The following ADRA1A variants were observed in gnomAD, a reference collection of about 807,000 sequenced individuals.
ADRA1A encodes alpha-1A adrenergic receptor.
Under a neutral mutation model 29.6 loss-of-function variants are expected in ADRA1A, and 31 were observed. The ratio of observed to expected loss-of-function variants is 1.05; its 90% CI spans 0.79 to 1.41. The LOEUF is 1.41. ADRA1A is among the 40% of genes most tolerant of loss of function. The pLI is 0.00. For missense variants in ADRA1A, 619 were observed against 601.1 expected (o/e 1.03, Z -0.31); for synonymous variants, 311 against 254.3 (o/e 1.22, Z -2.12).
At chr8:26,779,533 C>A in intron 2 of ADRA1A, 1 of 599,030 alleles carries the variant, frequency 1.7e-6, no homozygotes, top group South Asian at 2.1e-5. Context: ...GGAAAACAGC[C>A]CATGACAAGC....
downstream of ADRA1A, among the ~76,000 whole-genome samples, chr8:26,763,251 C>T (rs1805607468): frequency 1.3e-5 from 2 of 152,138 alleles, no homozygotes; most frequent in East Asian, 3.9e-4. This position sits in a 1 kb window ranked among gnomAD's most constrained non-coding sequence, Gnocchi z 4.5. Flanking sequence ...CCCAAGGAGC[C>T]AAGTGTGGCC....
Position 26,770,605 on chromosome 8 carries a change from T to C in ADRA1A, c.945A>G (p.Gly315=), listed in dbSNP as rs1806070315. 6.2e-7 allele frequency: 1 copy of C among 1,614,008 alleles called. No individual in the cohort carries two copies. The highest frequency in any genetic ancestry group is 8.5e-7 in the Non-Finnish European group (1 of 1,180,022). ...TGGGGTTGATGCAGCTGTTTAGATA[T>C]CCGAGCCAAAATACTATTTTAAAAA... ...ETVFKIVFWL[G]YLNSCINPII... The change falls in exon 3 of 3, where the codon GGA becomes GGG. Residue 315 remains glycine (G), a synonymous_variant. Transcript: ENST00000380573.
At chr8:26,810,163 G>C (rs1809278554) in intron 2 of ADRA1A, among the ~76,000 whole-genome samples, 1 of 152,134 alleles carries the variant, frequency 6.6e-6, no homozygotes, top group Non-Finnish European at 1.5e-5. Context: ...CAAGATTTTT[G>C]ACCAATTGTG....
chr8:26,786,906 G>A (rs1807437744), intron 2 of ADRA1A, among the ~76,000 whole-genome samples: 1 of 152,066 alleles, frequency 6.6e-6, no homozygotes, highest in Non-Finnish European at 1.5e-5. Flanking sequence ...CATTGTAGTT[G>A]TTAAATAAGT....
In ADRA1A at chr8:26,864,041, G is replaced by A. The variant is rs3824231; in HGVS notation, c.883+46C>T. 162 of 1,553,652 alleles carry A rather than the reference G, an allele frequency of 1.0e-4. 1 individual carries two copies. In the East Asian group the frequency reaches 3.6e-3, roughly 34 times the overall value. On this transcript the variant is annotated intron_variant, in intron 2 of 2. Coordinates refer to ENST00000380573, the MANE Select transcript of ADRA1A (RefSeq NM_000680.4). This position sits in a 1 kb window ranked among gnomAD's most constrained non-coding sequence, Gnocchi z 8.1. ...AGTCTGGGGTAACAGAAGCCGAGGA[G>A]GGTGAAGACCCCCAGATGCTAAAGT...
In ADRA1A at chr8:26,769,493, A is replaced by G. The variant is rs1170426372; in HGVS notation, c.*656T>C. On this transcript the variant is annotated 3_prime_UTR_variant, in exon 3 of 3. Coordinates refer to ENST00000380573, the MANE Select transcript of ADRA1A (RefSeq NM_000680.4). The stretch of plus-strand genomic sequence containing the variant: ...CCAAGGATAGAGAACACTACATTCC[A>G]AGACATCATGAGTGCCCCTCACTCT... 6.1e-6 allele frequency: 6 copies of G among 985,300 alleles called. No individual in the cohort carries two copies. Among genetic ancestry groups the G allele is most frequent in the Admixed American group, 1.2e-4 (2 of 16,268 alleles). 61.0% of individuals were successfully genotyped at this position (985,300 alleles called of 1,614,324 possible).
At chr8:26,768,174 G>A (rs1805895204), downstream of ADRA1A, among the ~76,000 whole-genome samples, 1 of 152,192 alleles carries the variant, frequency 6.6e-6, no homozygotes, top group Admixed American at 6.5e-5. Flanking sequence ...CCATTGCAAT[G>A]TGGAAAGAGA....
At chr8:26,751,602 A>C (rs1393042490), downstream of ADRA1A, among the ~76,000 whole-genome samples, 1 of 152,218 alleles carries the variant, frequency 6.6e-6, no homozygotes, top group Non-Finnish European at 1.5e-5. Context: ...TGACCAAAAA[A>C]AGGATTGTAA....
At chr8:26,795,647 AC>A (rs1808140505) in intron 2 of ADRA1A, among the ~76,000 whole-genome samples, 2 of 152,178 alleles carry the variant, frequency 1.3e-5, no homozygotes, top group African/African-American at 2.4e-5. Flanking sequence ...TTTGAAAAAA[AC>A]AATAAAACAT....
rs1356100987 is a variant in ADRA1A at position 26,821,642 on chromosome 8, G to T, written c.883+42445C>A. 1.3e-5 allele frequency among the ~76,000 whole-genome samples: 2 copies of T among 152,058 alleles called. No individual in the cohort carries two copies. The highest frequency in any genetic ancestry group is 2.9e-5 in the Non-Finnish European group (2 of 68,008). ...AATGGCAACATCTTGCAAAACTACG[G>T]TACAATATCACAACCAGGATATTGA... On this transcript the variant is annotated intron_variant, in intron 2 of 2. Coordinates refer to ENST00000380573, the MANE Select transcript of ADRA1A (RefSeq NM_000680.4). This position sits in a 1 kb window ranked among gnomAD's most constrained non-coding sequence, Gnocchi z 5.6.
At position 26,821,340 on chromosome 8, in the gene ADRA1A, T is replaced by C. The variant is rs1810157274; in HGVS notation, c.883+42747A>G. 6.6e-6 allele frequency among the ~76,000 whole-genome samples: 1 copy of C among 152,124 alleles called. No homozygotes were observed. The highest frequency in any genetic ancestry group is 2.4e-5 in the African/African-American group (1 of 41,434). On this transcript the variant is annotated intron_variant, in intron 2 of 2. Coordinates refer to ENST00000380573, the MANE Select transcript of ADRA1A (RefSeq NM_000680.4). The surrounding 1 kb of genome is among the most constrained non-coding windows in gnomAD (Gnocchi z 5.6). The stretch of plus-strand genomic sequence containing the variant: ...GAGGGCCTCAGGAAGCATACAGTCA[T>C]GGTGGAAGGCTAAGGGAGAGCAGGA...
At chr8:26,801,980 A>G (rs1808615096) in intron 2 of ADRA1A, among the ~76,000 whole-genome samples, 1 of 152,210 alleles carries the variant, frequency 6.6e-6, no homozygotes, top group Non-Finnish European at 1.5e-5. Flanking sequence ...GGTGCCACGA[A>G]TATACACTGG....
intron 2 of ADRA1A, among the ~76,000 whole-genome samples, chr8:26,847,168 A>G (rs1166945227): frequency 1.3e-5 from 2 of 152,184 alleles, no homozygotes; most frequent in African/African-American, 4.8e-5. Flanking sequence ...ATGTATACAT[A>G]TGTAACTAAC....
rs1233469435 is a variant in ADRA1A, at chr8:26,770,144, C to G, written c.*5G>C. ...TATTCCCCTTTCCTCTGCATCTTTC[C>G]TGTCCTAGACTTCCTCCCCGTTCTC... On this transcript the variant is annotated 3_prime_UTR_variant, in exon 3 of 3. Coordinates refer to ENST00000380573, the MANE Select transcript of ADRA1A (RefSeq NM_000680.4). 1 of 1,531,774 alleles carries G rather than the reference C, an allele frequency of 6.5e-7. No individual in the cohort carries two copies. The highest frequency in any genetic ancestry group is 2.3e-5 in the East Asian group (1 of 44,180). The allele number at this position is 1,531,774 out of a possible 1,614,324, so 94.9% of individuals were successfully genotyped here. A position where few individuals can be genotyped will look rare whatever the true frequency, so the allele number is the denominator to read the frequency against.
chr8:26,763,983 C>A (rs1805642644), downstream of ADRA1A, among the ~76,000 whole-genome samples: 1 of 152,132 alleles, frequency 6.6e-6, no homozygotes, highest in Admixed American at 6.5e-5. The surrounding 1 kb of genome is among the most constrained non-coding windows in gnomAD (Gnocchi z 4.5). Context: ...TGGGAACATC[C>A]TCCCCCTCCC....
chr8:26,771,394 A>C (rs886798724), intron 2 of ADRA1A, among the ~76,000 whole-genome samples: 4 of 151,740 alleles, frequency 2.6e-5, no homozygotes, highest in African/African-American at 9.7e-5. Flanking sequence ...GACTCACTAC[A>C]CTTTTTCTCC....
intron 2 of ADRA1A, among the ~76,000 whole-genome samples, chr8:26,782,931 G>A (rs560934310): frequency 4.0e-4 from 60 of 148,954 alleles, no homozygotes; most frequent in African/African-American, 1.4e-3. Flanking sequence ...ATCCTCAACC[G>A]TCCACTCTCC....
intron 2 of ADRA1A, among the ~76,000 whole-genome samples, chr8:26,803,803 C>T (rs1808768682): frequency 1.3e-5 from 2 of 151,772 alleles, no homozygotes; most frequent in Admixed American, 1.3e-4. Flanking sequence ...AGCTGATGAG[C>T]ACAGGAAAAG....
intron 2 of ADRA1A, among the ~76,000 whole-genome samples, chr8:26,773,940 A>G (rs1806360203): frequency 6.6e-6 from 1 of 152,156 alleles, no homozygotes; most frequent in South Asian, 2.1e-4. Context: ...CATTTCTTCA[A>G]CATGGCTCAG....
Sources: allele counts gnomAD v4.1 joint callset (sites outside exome capture counted in the v4.1 genomes callset), GRCh38; gene constraint gnomAD v4.1.1; non-coding constraint Gnocchi (gnomAD v3.1); transcripts MANE v1.5; gene names NCBI Gene and HGNC (gene_info 2026-07-23, HGNC 2026-07-21).